The following DLC1 variants were observed in gnomAD, a reference collection of about 807,000 sequenced individuals.
The protein encoded by DLC1 is DLC1 Rho GTPase activating protein, also known as rho GTPase-activating protein 7.
Under a neutral mutation model 140.3 loss-of-function variants are expected in DLC1, and 54 were observed. That is an observed-to-expected ratio of 0.38 (90% CI 0.31 to 0.48). The LOEUF (loss-of-function observed/expected upper bound fraction) is 0.48. DLC1 is among the 20% of genes least tolerant of loss of function. The pLI, the probability that DLC1 is intolerant of heterozygous loss-of-function variation, is 0.96. For synonymous variants in DLC1, 986 were observed against 728.1 expected (o/e 1.35, Z -5.70); for missense variants, 2,536 against 1,907.0 (o/e 1.33, Z -6.14).
chr8:13,498,332 C>T (rs1012701824), intron 2 of DLC1, among the ~76,000 whole-genome samples: 1 of 152,214 alleles, frequency 6.6e-6, no homozygotes, highest in Non-Finnish European at 1.5e-5. Context: ...GTAGCACCAT[C>T]TTAGCCCTTG....
intron 1 of DLC1, among the ~76,000 whole-genome samples, chr8:13,540,433 G>A (rs1010017677): frequency 9.9e-5 from 15 of 152,048 alleles, no homozygotes; most frequent in African/African-American, 3.4e-4. Flanking sequence ...CAGTTTTAAT[G>A]AACCTCTTTA....
intron 2 of DLC1, among the ~76,000 whole-genome samples, chr8:13,471,678 C>T (rs1033932719): frequency 6.6e-6 from 1 of 150,548 alleles, no homozygotes; most frequent in Non-Finnish European, 1.5e-5. Context: ...TACCCCTGAA[C>T]TTAAAATAAA....
chr8:13,100,240 C>T lies in DLC1; in HGVS notation c.2097G>A (p.Leu699=). Residue 699 remains leucine, a synonymous_variant, in exon 9 of 18, where the codon TTG becomes TTA. Transcript: ENST00000276297. ...GCTTCTCCTCATCCATCCCCTCTTG[C>T]AAGATGGGCCCGCTGATGATCAACC... ...KLGLIISGPI[L]QEGMDEEKLK... 6.2e-7 allele frequency: 1 copy of T among 1,614,168 alleles called. No homozygotes were observed. Among genetic ancestry groups the T allele is most frequent in the Non-Finnish European group, 8.5e-7 (1 of 1,180,036 alleles).
chr8:13,553,501 C>A (rs888682284), intron 1 of DLC1, among the ~76,000 whole-genome samples: 4 of 151,494 alleles, frequency 2.6e-5, no homozygotes, highest in Non-Finnish European at 5.9e-5. Context: ...ATTTTCTTCC[C>A]GGTTTTTAAT....
At chr8:13,442,115 A>G (rs552345180) in intron 2 of DLC1, among the ~76,000 whole-genome samples, 1 of 152,206 alleles carries the variant, frequency 6.6e-6, no homozygotes, top group Non-Finnish European at 1.5e-5. Flanking sequence ...AGGATTCCCT[A>G]TTTAATAAAT....
At chr8:13,555,245 C>G (rs899252688) in intron 1 of DLC1, among the ~76,000 whole-genome samples, 6 of 152,158 alleles carry the variant, frequency 3.9e-5, no homozygotes, top group African/African-American at 1.2e-4. Flanking sequence ...ATACCATCTT[C>G]TAGTGTAAAT....
intron 5 of DLC1, among the ~76,000 whole-genome samples, chr8:13,237,910 A>C (rs1250902138): frequency 1.3e-5 from 2 of 152,184 alleles, no homozygotes; most frequent in Non-Finnish European, 2.9e-5. Context: ...AAAGAAAAGA[A>C]AGAAAGAAGG....
At chr8:13,373,406 G>A (rs767490550) in intron 4 of DLC1, among the ~76,000 whole-genome samples, 3 of 151,966 alleles carry the variant, frequency 2.0e-5, no homozygotes, top group African/African-American at 4.8e-5. Flanking sequence ...TCTTATTCTC[G>A]GATGTACAGG....
At chr8:13,582,158 T>G (rs1805124922) in intron 1 of DLC1, among the ~76,000 whole-genome samples, 1 of 152,174 alleles carries the variant, frequency 6.6e-6, no homozygotes. Context: ...TAAGCTCTTT[T>G]TCCAACGGTT....
Position 13,100,269 on chromosome 8 carries a change from G to T in DLC1, c.2068C>A (p.Leu690Met), listed in dbSNP as rs555545699. ...HHSKHKAPSK[L>M]GLIISGPILQ... Reference sequence around the variant, plus strand: ...ATGGGCCCGCTGATGATCAACCCCAGCTTTGAGGGCGCTTTGTGCTTGCTG... The same window carrying T: ...ATGGGCCCGCTGATGATCAACCCCATCTTTGAGGGCGCTTTGTGCTTGCTG... Residue 690 changes from leucine (L) to methionine (M), a missense_variant, in exon 9 of 18, where the codon CTG becomes ATG. Coordinates refer to ENST00000276297, the MANE Select transcript of DLC1 (RefSeq NM_182643.3). 3.1e-6 allele frequency: 5 copies of T among 1,614,124 alleles called. No individual in the cohort carries two copies. In the South Asian group the frequency reaches 5.5e-5, roughly 18 times the overall value.
At chr8:13,502,636 T>C (rs796116891) in intron 1 of DLC1, among the ~76,000 whole-genome samples, 30 of 152,358 alleles carry the variant, frequency 2.0e-4, no homozygotes, top group African/African-American at 7.2e-4. Context: ...GAATTGATTA[T>C]AATCTATCCC....
chr8:13,506,990 CACTT>C (rs770569948), intron 1 of DLC1, among the ~76,000 whole-genome samples: 12 of 152,094 alleles, frequency 7.9e-5, no homozygotes, highest in Non-Finnish European at 1.0e-4. Flanking sequence ...GCCCCCAAAA[CACTT>C]ACTGAATTGA....
At chr8:13,570,358 A>G (rs1231572606) in intron 1 of DLC1, among the ~76,000 whole-genome samples, 7 of 148,796 alleles carry the variant, frequency 4.7e-5, no homozygotes, top group East Asian at 2.0e-4. Flanking sequence ...GGTTAGTTAC[A>G]TATGTATACA....
At chr8:13,529,159 T>G (rs1803016063) in intron 1 of DLC1, among the ~76,000 whole-genome samples, 1 of 152,096 alleles carries the variant, frequency 6.6e-6, no homozygotes, top group African/African-American at 2.4e-5. Context: ...GGCCAAATAG[T>G]TTTATTACCA....
intron 2 of DLC1, among the ~76,000 whole-genome samples, chr8:13,424,511 A>C (rs890935312): frequency 6.6e-6 from 1 of 152,034 alleles, no homozygotes; most frequent in East Asian, 1.9e-4. Context: ...TAACAATAAA[A>C]TAAAAGTCAG....
At chr8:13,418,862 C>A (rs941818679) in intron 2 of DLC1, among the ~76,000 whole-genome samples, 10 of 152,178 alleles carry the variant, frequency 6.6e-5, no homozygotes, top group East Asian at 1.9e-4. Context: ...AATTTTCTTC[C>A]ATTTCTTTGT....
intron 5 of DLC1, among the ~76,000 whole-genome samples, chr8:13,278,630 A>G (rs1831258148): frequency 6.6e-6 from 1 of 152,188 alleles, no homozygotes; most frequent in Admixed American, 6.5e-5. Context: ...ATCTCACCTG[A>G]GTTTCCAGTC....
intron 4 of DLC1, among the ~76,000 whole-genome samples, chr8:13,318,062 G>T (rs1164688044): frequency 1.3e-5 from 2 of 151,966 alleles, no homozygotes; most frequent in African/African-American, 4.8e-5. Context: ...GGGTCTTTTT[G>T]TGTTACCCAG....
chr8:13,161,809 A>G (rs1233366350), intron 5 of DLC1, among the ~76,000 whole-genome samples: 1 of 152,192 alleles, frequency 6.6e-6, no homozygotes, highest in Non-Finnish European at 1.5e-5. Flanking sequence ...AACCTGTGCA[A>G]TGCGAACTCA....
Sources: allele counts gnomAD v4.1 joint callset (sites outside exome capture counted in the v4.1 genomes callset), GRCh38; gene constraint gnomAD v4.1.1; transcripts MANE v1.5; gene names NCBI Gene and HGNC (gene_info 2026-07-23, HGNC 2026-07-21).